GPC5: variants seen among roughly 807,000 people sequenced by gnomAD.
The protein encoded by GPC5 is glypican 5.
Under a neutral mutation model 53.9 loss-of-function variants are expected in GPC5, and 47 were observed. That is an observed-to-expected ratio of 0.87 (90% CI 0.69 to 1.11). The LOEUF (loss-of-function observed/expected upper bound fraction) is 1.11. Among genes scored for constraint, GPC5 ranks in the 50% most tolerant of loss-of-function variants. GPC5 has a pLI of 0.00. For missense variants in GPC5, 748 were observed against 713.1 expected (o/e 1.05, Z -0.56); for synonymous variants, 286 against 263.3 (o/e 1.09, Z -0.84).
In GPC5 at chr13:91,424,856, T is replaced by C. The variant is rs542004757; in HGVS notation, c.164-23905T>C. Among the ~76,000 whole-genome samples, 4 of 152,312 alleles carry C rather than the reference T, an allele frequency of 2.6e-5. No individual in the cohort carries two copies. The East Asian group carries it at 7.7e-4, about 29-fold the overall frequency. On this transcript the variant is annotated intron_variant, in intron 1 of 7. Transcript: ENST00000377067. Reference sequence around the variant, plus strand: ...GAGAGCAGGAACATAATCTACTTGCTGGAATTCAGGTAAGAGAGTAAGTCA... The same window carrying C: ...GAGAGCAGGAACATAATCTACTTGCCGGAATTCAGGTAAGAGAGTAAGTCA...
intron 7 of GPC5, among the ~76,000 whole-genome samples, chr13:92,339,062 A>G (rs1050211331): frequency 3.9e-5 from 6 of 152,026 alleles, no homozygotes; most frequent in Non-Finnish European, 7.4e-5. Flanking sequence ...AAAAATAAGT[A>G]TTAAGTGATG....
chr13:92,524,562 G>T (rs1271850108), intron 7 of GPC5, among the ~76,000 whole-genome samples: 1 of 152,030 alleles, frequency 6.6e-6, no homozygotes, highest in South Asian at 2.1e-4. Context: ...ATAATCAAAA[G>T]AACAGGAAGT....
chr13:92,299,437 A>T (rs574197882), intron 7 of GPC5, among the ~76,000 whole-genome samples: 1 of 152,330 alleles, frequency 6.6e-6, no homozygotes, highest in South Asian at 2.1e-4. Flanking sequence ...GTGACTATGA[A>T]TAATGACTGT....
At chr13:91,885,228 G>A (rs2039309554) in intron 5 of GPC5, among the ~76,000 whole-genome samples, 1 of 152,152 alleles carries the variant, frequency 6.6e-6, no homozygotes, top group African/African-American at 2.4e-5. Context: ...TTGTATTTGG[G>A]TAAAGGCAAC....
chr13:92,251,386 T>G (rs1449348832), intron 7 of GPC5, among the ~76,000 whole-genome samples: 1 of 152,068 alleles, frequency 6.6e-6, no homozygotes, highest in African/African-American at 2.4e-5. Context: ...CTGCTATAAA[T>G]GAAAGCTTAT....
At chr13:91,631,147 C>A (rs1167385251) in intron 2 of GPC5, among the ~76,000 whole-genome samples, 2 of 152,114 alleles carry the variant, frequency 1.3e-5, no homozygotes, top group African/African-American at 4.8e-5. Flanking sequence ...AATATACCAG[C>A]ATAGCCAGAA....
chr13:92,808,674 A>G (rs1216595976), intron 7 of GPC5, among the ~76,000 whole-genome samples: 1 of 152,150 alleles, frequency 6.6e-6, no homozygotes, highest in Non-Finnish European at 1.5e-5. Context: ...AGAATCAACC[A>G]ATCAGCAAAA....
chr13:92,100,586 A>G (rs2041458349), intron 6 of GPC5, among the ~76,000 whole-genome samples: 1 of 152,108 alleles, frequency 6.6e-6, no homozygotes, highest in African/African-American at 2.4e-5. Context: ...TCTTGTAATT[A>G]GTTTTCTTTG....
chr13:91,580,421 G>A (rs562913162), intron 2 of GPC5, among the ~76,000 whole-genome samples: 3 of 152,140 alleles, frequency 2.0e-5, no homozygotes, highest in Non-Finnish European at 4.4e-5. Flanking sequence ...AATATCATAT[G>A]AGTAATAATA....
chr13:91,536,000 TTAA>T (rs1439165862), intron 2 of GPC5, among the ~76,000 whole-genome samples: 2 of 152,214 alleles, frequency 1.3e-5, no homozygotes, highest in Non-Finnish European at 2.9e-5. Context: ...CTATATATGA[TTAA>T]TATTTTCAAA....
intron 6 of GPC5, among the ~76,000 whole-genome samples, chr13:92,029,505 C>A (rs574602213): frequency 1.3e-5 from 2 of 152,318 alleles, no homozygotes; most frequent in East Asian, 3.9e-4. Context: ...TGGACAACTT[C>A]TCGGGTTCAA....
intron 6 of GPC5, among the ~76,000 whole-genome samples, chr13:92,022,295 C>T (rs976380919): frequency 6.6e-6 from 1 of 152,202 alleles, no homozygotes; most frequent in Admixed American, 6.5e-5. Context: ...GCCACCGTGC[C>T]TGGCCCAGAA....
intron 1 of GPC5, among the ~76,000 whole-genome samples, chr13:91,440,110 A>G (rs1264325879): frequency 6.6e-6 from 1 of 152,098 alleles, no homozygotes; most frequent in African/African-American, 2.4e-5. Flanking sequence ...AGCTTCTTAA[A>G]TTTGTTAATT....
intron 2 of GPC5, among the ~76,000 whole-genome samples, chr13:91,479,555 C>CCAAGAATATAGTCTACTTA (rs1394210341): frequency 6.6e-6 from 1 of 151,956 alleles, no homozygotes; most frequent in East Asian, 1.9e-4. Flanking sequence ...TAGAAATTCC[C>CCAAGAATATAGTCTACTTA]CAAGAATATA....
chr13:92,254,910 A>G lies in GPC5; in HGVS notation c.1561+109921A>G, dbSNP rs546733225. Reference sequence around the variant, plus strand: ...AATTCAGATTACAATTCAAGATGAAATTTGGGTGGGGACACAGAGCCAGAC... The same window carrying G: ...AATTCAGATTACAATTCAAGATGAAGTTTGGGTGGGGACACAGAGCCAGAC... On this transcript the variant is annotated intron_variant, in intron 7 of 7. Coordinates refer to ENST00000377067, the MANE Select transcript of GPC5 (RefSeq NM_004466.6). 3.8e-4 allele frequency among the ~76,000 whole-genome samples: 58 copies of G among 152,254 alleles called. 1 individual carries two copies. Among genetic ancestry groups the G allele is most frequent in the African/African-American group, 1.3e-3 (55 of 41,556 alleles).
At chr13:92,304,818 T>C (rs1349439377) in intron 7 of GPC5, among the ~76,000 whole-genome samples, 1 of 152,210 alleles carries the variant, frequency 6.6e-6, no homozygotes, top group Non-Finnish European at 1.5e-5. Flanking sequence ...TGGCATATTT[T>C]ACCCACTGAT....
chr13:92,236,035 G>C (rs961120279), intron 7 of GPC5, among the ~76,000 whole-genome samples: 6 of 152,012 alleles, frequency 3.9e-5, no homozygotes, highest in Non-Finnish European at 8.8e-5. Flanking sequence ...TACTATAAGA[G>C]AAGTCTGATC....
At chr13:92,069,172 T>A (rs1358967694) in intron 6 of GPC5, among the ~76,000 whole-genome samples, 1 of 152,148 alleles carries the variant, frequency 6.6e-6, no homozygotes, top group Non-Finnish European at 1.5e-5. Context: ...CAATTGCTTA[T>A]AAATATGAGG....
intron 6 of GPC5, among the ~76,000 whole-genome samples, chr13:92,049,858 AT>A (rs201496117): frequency 3.0e-4 from 46 of 152,038 alleles, no homozygotes; most frequent in East Asian, 1.9e-3. Context: ...TAAAAATGAG[AT>A]TTTTTTTAGC....
Sources: allele counts gnomAD v4.1 joint callset (sites outside exome capture counted in the v4.1 genomes callset), GRCh38; gene constraint gnomAD v4.1.1; transcripts MANE v1.5; gene names NCBI Gene and HGNC (gene_info 2026-07-23, HGNC 2026-07-21).